PGR: variants seen among roughly 807,000 people sequenced by gnomAD.
PGR encodes nuclear receptor subfamily 3 group C member 3.
PGR carries 25 observed loss-of-function variants against 76.1 expected under a neutral mutation model. That is an observed-to-expected ratio of 0.33 (90% confidence interval 0.24 to 0.46). The LOEUF (loss-of-function observed/expected upper bound fraction) is 0.46. Among genes scored for constraint, PGR ranks in the 20% least tolerant of loss-of-function variants. The probability of loss-of-function intolerance (pLI) is 1.00; values close to 1 mark genes in which losing one functional copy is unlikely to be tolerated. For missense variants in PGR, 1,172 were observed against 1,225.3 expected, an observed-to-expected ratio of 0.96 and a Z score of 0.65; for synonymous variants, 579 against 535.0, an observed-to-expected ratio of 1.08 and a Z score of -1.14.
chr11:101,127,338 G>A (rs1009691737), intron 1 of PGR, 96 bp downstream of exon 1: 11 of 913,584 alleles, frequency 1.2e-5, no homozygotes, highest in Admixed American at 3.9e-5. Context: ...GGAGCGCAGC[G>A]GTGCGCTGGG....
intron 2 of PGR, among the ~76,000 whole-genome samples, chr11:101,110,102 T>C (rs945496616): frequency 3.3e-5 from 5 of 152,138 alleles, no homozygotes; most frequent in Non-Finnish European, 5.9e-5. Flanking sequence ...TGAGCTCTGA[T>C]GGAAATGTAC....
At position 101,034,648 on chromosome 11, in the gene PGR, C is replaced by G. The variant is rs1161657436; in HGVS notation, c.*4468G>C. 3 of 171,310 alleles carry G rather than the reference C, an allele frequency of 1.8e-5. No individual in the cohort carries two copies. Among genetic ancestry groups the G allele is most frequent in the East Asian group, 2.2e-4 (2 of 9,198 alleles). The allele number at this position is 171,310 out of a possible 1,614,324, so 10.6% of individuals were successfully genotyped here. On this transcript the variant is annotated 3_prime_UTR_variant, in exon 8 of 8. Transcript: ENST00000325455. The stretch of plus-strand genomic sequence containing the variant: ...GAAGTGTAGGTTCTATTAGCTCCAG[C>G]TAACTGATGGTCTGTAAGGCCTTCT...
At position 101,032,616 on chromosome 11, in the gene PGR, C is replaced by CAG. The variant is rs1368003086; in HGVS notation, c.*6499_*6500insCT. ...TTGCCTTTGGCATCTCCTCACCACG[C>CAG]ACGTTCTGCTAATTCCTAAACTGCT... On this transcript the variant is annotated 3_prime_UTR_variant, in exon 8 of 8. Coordinates refer to ENST00000325455, the MANE Select transcript of PGR (RefSeq NM_000926.4). The CAG allele has an allele frequency of 2.7e-5, 6 of 226,324 alleles. No individual in the cohort carries two copies. Among genetic ancestry groups the CAG allele is most frequent in the Non-Finnish European group, 4.4e-5 (5 of 113,798 alleles). The allele number at this position is 226,324 out of a possible 1,614,324, so 14.0% of individuals were successfully genotyped here. A position where few individuals can be genotyped will look rare whatever the true frequency, so the allele number is the denominator to read the frequency against.
intron 3 of PGR, among the ~76,000 whole-genome samples, chr11:101,076,648 A>T (rs679203): frequency 1.3e-5 from 2 of 152,034 alleles, no homozygotes; most frequent in South Asian, 4.1e-4. Context: ...TTTTTATGAC[A>T]AGTGATATGA....
intron 2 of PGR, among the ~76,000 whole-genome samples, chr11:101,110,977 G>A (rs935577163): frequency 1.3e-5 from 2 of 152,128 alleles, no homozygotes; most frequent in African/African-American, 2.4e-5. Flanking sequence ...ATCAGGGTAT[G>A]TACATTGTTT....
intron 6 of PGR, among the ~76,000 whole-genome samples, chr11:101,042,566 T>C (rs148792886): frequency 8.5e-5 from 13 of 152,328 alleles, no homozygotes; most frequent in African/African-American, 2.9e-4. Context: ...AGATTATTCC[T>C]AGATGATTTA....
At chr11:101,040,860 C>T (rs1859674154) in intron 7 of PGR, among the ~76,000 whole-genome samples, 1 of 151,934 alleles carries the variant, frequency 6.6e-6, no homozygotes, top group Non-Finnish European at 1.5e-5. Context: ...TCTGGACATT[C>T]CTATTAATTG....
chr11:101,112,086 A>C (rs1862362255), intron 2 of PGR, among the ~76,000 whole-genome samples: 1 of 152,224 alleles, frequency 6.6e-6, no homozygotes. Context: ...CATGGGACTG[A>C]CAATTGCCCA....
chr11:101,058,972 T>C (rs533407998), intron 4 of PGR, among the ~76,000 whole-genome samples: 1 of 152,182 alleles, frequency 6.6e-6, no homozygotes, highest in South Asian at 2.1e-4. Context: ...CCATAGCTAC[T>C]AAAAGCTTTA....
chr11:101,105,568 A>T (rs949129987), intron 2 of PGR, among the ~76,000 whole-genome samples: 4 of 151,904 alleles, frequency 2.6e-5, no homozygotes, highest in Non-Finnish European at 5.9e-5. Context: ...CTGCTCAAGA[A>T]AATCAGAGAG....
chr11:101,098,399 GA>G (rs1861901148), intron 2 of PGR, among the ~76,000 whole-genome samples: 1 of 152,088 alleles, frequency 6.6e-6, no homozygotes, highest in Admixed American at 6.6e-5. Flanking sequence ...CAAATGGCAG[GA>G]AATAATATAT....
At chr11:101,066,804 C>A (rs1027818360) in intron 3 of PGR, among the ~76,000 whole-genome samples, 1 of 152,142 alleles carries the variant, frequency 6.6e-6, no homozygotes, top group East Asian at 1.9e-4. Context: ...TAGTGGATAA[C>A]CATGAAAATA....
In PGR at chr11:101,038,272, C is replaced by G. The variant is rs1859579069; in HGVS notation, c.*844G>C. On this transcript the variant is annotated 3_prime_UTR_variant, in exon 8 of 8. Coordinates refer to ENST00000325455, the MANE Select transcript of PGR (RefSeq NM_000926.4). ...GGCAGGAAAGATATTTTACTACTTT[C>G]AAAGGTGAGAGAATTGAGAATCAGT... is the stretch of plus-strand genomic sequence containing the variant. 1 of 199,700 alleles carries G rather than the reference C, an allele frequency of 5.0e-6. No individual in the cohort carries two copies. Among genetic ancestry groups the G allele is most frequent in the Non-Finnish European group, 1.0e-5 (1 of 96,722 alleles). 12.4% of individuals were successfully genotyped at this position (199,700 alleles called of 1,614,324 possible).
At position 101,036,939 on chromosome 11, in the gene PGR, C is replaced by G. The variant is rs1328196968; in HGVS notation, c.*2177G>C. 1.5e-5 allele frequency: 3 copies of G among 202,478 alleles called. No homozygotes were observed. The highest frequency in any genetic ancestry group is 3.0e-5 in the Non-Finnish European group (3 of 98,552). 12.5% of individuals were successfully genotyped at this position (202,478 alleles called of 1,614,324 possible). On this transcript the variant is annotated 3_prime_UTR_variant, in exon 8 of 8. Coordinates refer to ENST00000325455, the MANE Select transcript of PGR (RefSeq NM_000926.4). ...CTGTTCCCTGAGTCCATCACTTAAG[C>G]ATAAAGGGCTAATAATATTGTTTTT...
chr11:101,086,393 C>T (rs1861501578), intron 3 of PGR, among the ~76,000 whole-genome samples: 2 of 152,136 alleles, frequency 1.3e-5, no homozygotes, highest in African/African-American at 4.8e-5. Flanking sequence ...TGCAATACCA[C>T]TTCATGATAA....
In PGR at chr11:101,031,396, G is replaced by T. The variant is rs1591359028; in HGVS notation, c.*7720C>A. On this transcript the variant is annotated 3_prime_UTR_variant, in exon 8 of 8. Coordinates refer to ENST00000325455, the MANE Select transcript of PGR (RefSeq NM_000926.4). Reference sequence around the variant, plus strand: ...CTTCTGCCTTCCCAGCTGCTGTCTGGTTAGTGGAACTAACAATTTCCTTGA... The same window carrying T: ...CTTCTGCCTTCCCAGCTGCTGTCTGTTTAGTGGAACTAACAATTTCCTTGA... The T allele has an allele frequency of 4.5e-6, 1 of 223,304 alleles. No homozygotes were observed. 13.8% of individuals were successfully genotyped at this position (223,304 alleles called of 1,614,324 possible).
chr11:101,091,943 A>G lies in PGR; in HGVS notation c.1790-67T>C, dbSNP rs543381068. The stretch of plus-strand genomic sequence containing the variant: ...GATTCACTGGAAATTCTATGCAGTG[A>G]CAACTGAAATAGAGACTAGATACAC... On this transcript the variant is annotated intron_variant, in intron 2 of 7. Coordinates refer to ENST00000325455, the MANE Select transcript of PGR (RefSeq NM_000926.4). 5.1e-5 allele frequency: 42 copies of G among 830,588 alleles called. No homozygotes were observed. The South Asian group carries it at 5.8e-4, about 12-fold the overall frequency. 51.5% of individuals were successfully genotyped at this position (830,588 alleles called of 1,614,324 possible).
At chr11:101,045,531 A>T (rs561183549) in intron 6 of PGR, among the ~76,000 whole-genome samples, 3 of 152,252 alleles carry the variant, frequency 2.0e-5, no homozygotes, top group Non-Finnish European at 2.9e-5. Flanking sequence ...TTTAGCTCCC[A>T]CTTATAAGCG....
At chr11:101,100,823 ACATCC>A (rs1861975147) in intron 2 of PGR, among the ~76,000 whole-genome samples, 1 of 152,130 alleles carries the variant, frequency 6.6e-6, no homozygotes, top group Non-Finnish European at 1.5e-5. Flanking sequence ...AAGGCTAATA[ACATCC>A]CATAATGCAC....
Sources: allele counts gnomAD v4.1 joint callset (sites outside exome capture counted in the v4.1 genomes callset), GRCh38; gene constraint gnomAD v4.1.1; transcripts MANE v1.5; gene names NCBI Gene and HGNC (gene_info 2026-07-23, HGNC 2026-07-21).